FMN2: variants seen among roughly 807,000 people sequenced by gnomAD.
The protein encoded by FMN2 is formin-2.
In FMN2, 51 loss-of-function variants were observed where a neutral mutation model predicts 142.3. That is an observed-to-expected ratio of 0.36 (90% CI 0.29 to 0.45). The LOEUF (loss-of-function observed/expected upper bound fraction) is 0.45, where lower values mean the gene tolerates loss of function less well. FMN2 is among the 20% of genes least tolerant of loss of function. The probability of loss-of-function intolerance (pLI) is 1.00; values close to 1 mark genes in which losing one functional copy is unlikely to be tolerated. For synonymous variants in FMN2, 882 were observed against 869.8 expected, an observed-to-expected ratio of 1.01 and a Z score of -0.25; for missense variants, 1,936 against 2,122.8, an observed-to-expected ratio of 0.91 and a Z score of 1.73.
At chr1:240,230,179 T>C (rs72764385) in intron 6 of FMN2, among the ~76,000 whole-genome samples, 63,791 of 126,504 alleles carry the variant, frequency 0.5, 23,022 homozygotes, top group African/African-American at 0.56. Flanking sequence ...TAGTTGGGCA[T>C]GGTGGCATGT....
chr1:240,334,020 G>A, intron 12 of FMN2, 74 bp downstream of exon 12: 1 of 1,571,030 alleles, frequency 6.4e-7, no homozygotes, highest in Admixed American at 1.9e-5. Context: ...ACTTTTTGTT[G>A]TTGTTTTTGT....
intron 8 of FMN2, among the ~76,000 whole-genome samples, chr1:240,309,199 G>A (rs931123129): frequency 7.2e-5 from 11 of 152,132 alleles, no homozygotes; most frequent in East Asian, 1.9e-4. Flanking sequence ...ACCCAAGTTC[G>A]GATAAGCTTG....
At chr1:240,296,051 G>A (rs1265995384) in intron 8 of FMN2, among the ~76,000 whole-genome samples, 1 of 152,186 alleles carries the variant, frequency 6.6e-6, no homozygotes, top group Non-Finnish European at 1.5e-5. Flanking sequence ...CATGAGGAAA[G>A]TTAGAGAGGT....
intron 13 of FMN2, among the ~76,000 whole-genome samples, chr1:240,348,040 A>G (rs1671967142): frequency 6.6e-6 from 1 of 152,068 alleles, no homozygotes. Context: ...AGAACAATTT[A>G]TTTTCCTTTG....
chr1:240,355,954 A>T lies in FMN2; in HGVS notation c.4858+46A>T, dbSNP rs1156859073. 3 of 142,802 alleles carry T rather than the reference A, an allele frequency of 2.1e-5. No homozygotes were observed. The African/African-American group carries it at 3.1e-4, about 15-fold the overall frequency. 8.8% of individuals were successfully genotyped at this position (142,802 alleles called of 1,614,324 possible). On this transcript the variant is annotated intron_variant, in intron 14 of 17. Coordinates refer to ENST00000319653, the MANE Select transcript of FMN2 (RefSeq NM_020066.5). Reference sequence around the variant, plus strand: ...TTATGTTTTTCTCCCCTTTCAGCAAAAAAAAAAAAAAAAAAAAAAAAAAAA... The same window carrying T: ...TTATGTTTTTCTCCCCTTTCAGCAATAAAAAAAAAAAAAAAAAAAAAAAAA...
chr1:240,307,849 A>G (rs1445405213), intron 8 of FMN2, among the ~76,000 whole-genome samples: 2 of 152,178 alleles, frequency 1.3e-5, no homozygotes, highest in East Asian at 3.9e-4. Flanking sequence ...TTTTAATGAT[A>G]TTCTTCCAAC....
chr1:240,381,563 G>T (rs944718329), intron 14 of FMN2, among the ~76,000 whole-genome samples: 2 of 152,048 alleles, frequency 1.3e-5, no homozygotes, highest in African/African-American at 4.8e-5. Flanking sequence ...CTGAGTAGCT[G>T]GGATTACAGA....
intron 13 of FMN2, among the ~76,000 whole-genome samples, chr1:240,341,800 A>G (rs1671754429): frequency 2.0e-5 from 3 of 152,136 alleles, no homozygotes. Context: ...TGGGCATATT[A>G]GGTTTATTGT....
intron 2 of FMN2, among the ~76,000 whole-genome samples, chr1:240,165,182 G>T (rs940510555): frequency 2.0e-5 from 3 of 152,018 alleles, no homozygotes; most frequent in Non-Finnish European, 4.4e-5. Context: ...TTTTCTTTCT[G>T]TTTAAAAATT....
At chr1:240,117,085 C>T (rs1252394401) in intron 1 of FMN2, among the ~76,000 whole-genome samples, 3 of 151,870 alleles carry the variant, frequency 2.0e-5, no homozygotes, top group Non-Finnish European at 2.9e-5. Context: ...GATCTTGGCA[C>T]GCAATAAGGA....
chr1:240,355,829 A>C lies in FMN2; in HGVS notation c.4779A>C (p.Glu1593Asp). 1 of 1,611,626 alleles carries C rather than the reference A, an allele frequency of 6.2e-7. No homozygotes were observed. Among genetic ancestry groups the C allele is most frequent in the East Asian group, 2.2e-5 (1 of 44,762 alleles). The change falls in exon 14 of 18, where the codon GAA (glutamate) becomes GAC (aspartate). Residue 1593 changes from glutamate (E) to aspartate (D), a missense_variant. Around this residue, in one of 8 missense-constraint regions of FMN2, gnomAD observed 322 missense variants for 401.6 expected, o/e 0.80. Coordinates refer to ENST00000319653, the MANE Select transcript of FMN2 (RefSeq NM_020066.5). Reference sequence around the variant, plus strand: ...GTCTAATTTCAGCCTGTGAAGTTGAAGCAGGGAAAGTATACCAGGTCTCCT... The same window carrying C: ...GTCTAATTTCAGCCTGTGAAGTTGACGCAGGGAAAGTATACCAGGTCTCCT... ...LKKDLKACEV[E>D]AGKVYQVSSK...
chr1:240,133,826 C>T (rs6429184), intron 2 of FMN2, among the ~76,000 whole-genome samples: 83,448 of 152,020 alleles, frequency 0.55, 23,998 homozygotes, highest in African/African-American at 0.71. Context: ...ATTATAATTG[C>T]CTATTTACCC....
intron 7 of FMN2, among the ~76,000 whole-genome samples, chr1:240,259,882 G>A (rs1668570982): frequency 6.6e-6 from 1 of 152,074 alleles, no homozygotes; most frequent in Non-Finnish European, 1.5e-5. Flanking sequence ...CCAATTTGTA[G>A]TCTTTTATTC....
At chr1:240,464,531 T>G (rs914241586) in intron 16 of FMN2, among the ~76,000 whole-genome samples, 4 of 152,198 alleles carry the variant, frequency 2.6e-5, no homozygotes, top group East Asian at 3.9e-4. Flanking sequence ...TTGTGGTTTT[T>G]GGAACATAAG....
intron 6 of FMN2, among the ~76,000 whole-genome samples, chr1:240,212,345 C>T (rs1467450907): frequency 6.6e-6 from 1 of 152,172 alleles, no homozygotes; most frequent in Non-Finnish European, 1.5e-5. Flanking sequence ...GGTGAGCAGG[C>T]TCACCCCAGG....
At chr1:240,363,580 C>T (rs936367473) in intron 14 of FMN2, among the ~76,000 whole-genome samples, 1 of 152,140 alleles carries the variant, frequency 6.6e-6, no homozygotes, top group African/African-American at 2.4e-5. Flanking sequence ...CGTGTGCGTG[C>T]GTGTGCATGC....
chr1:240,134,342 G>A (rs1233338662), intron 2 of FMN2, among the ~76,000 whole-genome samples: 2 of 152,062 alleles, frequency 1.3e-5, no homozygotes, highest in Admixed American at 6.6e-5. Context: ...CTTGGACTGG[G>A]TGTGGTGGCT....
chr1:240,239,754 G>T (rs112755830), intron 6 of FMN2, among the ~76,000 whole-genome samples: 1 of 152,180 alleles, frequency 6.6e-6, no homozygotes, highest in Non-Finnish European at 1.5e-5. Context: ...GAAGCAAAAC[G>T]CCTGAATACC....
At chr1:240,430,725 A>C (rs1322901601) in intron 15 of FMN2, among the ~76,000 whole-genome samples, 2 of 151,468 alleles carry the variant, frequency 1.3e-5, no homozygotes, top group Admixed American at 1.3e-4. Flanking sequence ...AAAAAAAAAA[A>C]AAAAAAACTT....
Sources: allele counts gnomAD v4.1 joint callset (sites outside exome capture counted in the v4.1 genomes callset), GRCh38; gene constraint gnomAD v4.1.1; regional missense constraint gnomAD v4.1.1; transcripts MANE v1.5; gene names NCBI Gene and HGNC (gene_info 2026-07-23, HGNC 2026-07-21).